Variants in TLE4 observed in about 807,000 individuals in gnomAD.
TLE4 encodes the protein TLE family member 4, transcriptional corepressor.
TLE4 carries 8 observed loss-of-function variants against 92.8 expected under a neutral mutation model. The ratio of observed to expected loss-of-function variants is 0.09; its 90% CI spans 0.05 to 0.16. TLE4 has a LOEUF of 0.16. Ranked by LOEUF, TLE4 falls within the 10% of genes least tolerant of loss-of-function variation. The pLI, the probability that TLE4 is intolerant of heterozygous loss-of-function variation, is 1.00. For missense variants in TLE4, 675 were observed against 997.6 expected (o/e 0.68, Z 4.36); for synonymous variants, 371 against 374.1 (o/e 0.99, Z 0.10).
chr9:79,589,180 CT>C (rs1212279287), intron 4 of TLE4, among the ~76,000 whole-genome samples: 1 of 152,164 alleles, frequency 6.6e-6, no homozygotes, highest in Non-Finnish European at 1.5e-5. Flanking sequence ...ATTCTGTTGC[CT>C]TTTTATGGCC....
chr9:79,608,385 A>T (rs1335794582), intron 4 of TLE4, among the ~76,000 whole-genome samples: 1 of 152,082 alleles, frequency 6.6e-6, no homozygotes, highest in Non-Finnish European at 1.5e-5. Flanking sequence ...ATTTTAAAGA[A>T]TTGCAGTCTT....
intron 8 of TLE4, among the ~76,000 whole-genome samples, chr9:79,669,892 TG>T (rs2061992302): frequency 6.6e-6 from 1 of 152,152 alleles, no homozygotes; most frequent in Non-Finnish European, 1.5e-5. Flanking sequence ...GTTACATGGC[TG>T]TGCTCCACTC....
At chr9:79,694,877 C>T (rs1026936760) in intron 8 of TLE4, among the ~76,000 whole-genome samples, 1 of 151,932 alleles carries the variant, frequency 6.6e-6, no homozygotes, top group Non-Finnish European at 1.5e-5. Context: ...GGTCACTATT[C>T]TCTAAATGAG....
intron 8 of TLE4, among the ~76,000 whole-genome samples, chr9:79,663,241 A>G (rs1205528134): frequency 1.3e-5 from 2 of 152,222 alleles, no homozygotes; most frequent in African/African-American, 2.4e-5. Flanking sequence ...GCTTGAAGAG[A>G]CAGCTTTTTA....
chr9:79,658,958 C>A (rs949343669), intron 8 of TLE4, among the ~76,000 whole-genome samples: 2 of 152,174 alleles, frequency 1.3e-5, no homozygotes, highest in African/African-American at 2.4e-5. Flanking sequence ...AGGGCTGTAA[C>A]ACTTCAGCAT....
At chr9:79,620,229 C>T (rs1466152710) in intron 5 of TLE4, among the ~76,000 whole-genome samples, 2 of 152,182 alleles carry the variant, frequency 1.3e-5, no homozygotes, top group Non-Finnish European at 2.9e-5. Context: ...AGTAGAGCTG[C>T]ATTGTCCAAT....
intron 4 of TLE4, among the ~76,000 whole-genome samples, chr9:79,590,360 A>G (rs867646868): frequency 6.6e-6 from 1 of 152,208 alleles, no homozygotes; most frequent in Non-Finnish European, 1.5e-5. Context: ...GGTTCTGGGC[A>G]TGGGGAGGTA....
At chr9:79,651,123 T>C (rs2058906532) in intron 6 of TLE4, among the ~76,000 whole-genome samples, 2 of 151,996 alleles carry the variant, frequency 1.3e-5, no homozygotes, top group Non-Finnish European at 2.9e-5. Context: ...AAGAAAATTA[T>C]AGAAGGGACT....
chr9:79,616,966 A>G (rs753914155), intron 5 of TLE4, among the ~76,000 whole-genome samples: 2 of 152,194 alleles, frequency 1.3e-5, no homozygotes, highest in Non-Finnish European at 2.9e-5. Flanking sequence ...TACAATGTGT[A>G]TTATATGTAT....
At chr9:79,693,659 T>C (rs778228391) in intron 8 of TLE4, 1 of 517,990 alleles carries the variant, frequency 1.9e-6, no homozygotes, top group Non-Finnish European at 3.9e-6. Context: ...ACCACAAAAG[T>C]TGTACCTCTG....
intron 8 of TLE4, among the ~76,000 whole-genome samples, chr9:79,689,907 G>A (rs1392884559): frequency 1.3e-5 from 2 of 152,176 alleles, no homozygotes; most frequent in African/African-American, 4.8e-5. Flanking sequence ...ACTTACTTAA[G>A]CCTACCCTCT....
intron 6 of TLE4, among the ~76,000 whole-genome samples, chr9:79,645,407 A>G (rs934261403): frequency 2.0e-5 from 3 of 152,170 alleles, no homozygotes; most frequent in Non-Finnish European, 2.9e-5. Context: ...AATGCCCAAA[A>G]TTCCTAGGGA....
chr9:79,612,229 T>C (rs754785168), intron 4 of TLE4, among the ~76,000 whole-genome samples: 4 of 152,102 alleles, frequency 2.6e-5, no homozygotes, highest in Non-Finnish European at 5.9e-5. Context: ...GCCACAAATA[T>C]AGAAATCCAA....
intron 4 of TLE4, among the ~76,000 whole-genome samples, chr9:79,592,256 CTTCT>C (rs1251087161): frequency 3.0e-5 from 4 of 132,904 alleles, no homozygotes; most frequent in African/African-American, 5.6e-5. Flanking sequence ...CTTCTTCTTT[CTTCT>C]TTCTTCTTCT....
intron 4 of TLE4, among the ~76,000 whole-genome samples, chr9:79,600,401 C>T (rs1046310648): frequency 7.9e-5 from 12 of 151,872 alleles, no homozygotes; most frequent in Non-Finnish European, 8.8e-5. Flanking sequence ...GGGTGGCTTC[C>T]CCCAGCCATT....
intron 5 of TLE4, among the ~76,000 whole-genome samples, chr9:79,626,038 G>A (rs2052531410): frequency 6.6e-6 from 1 of 151,992 alleles, no homozygotes; most frequent in African/African-American, 2.4e-5. Flanking sequence ...TCTATTATTT[G>A]ACATTTTTCT....
chr9:79,669,055 A>G (rs2134756013), intron 8 of TLE4, among the ~76,000 whole-genome samples: 1 of 152,246 alleles, frequency 6.6e-6, no homozygotes, highest in East Asian at 1.9e-4. Flanking sequence ...TCATTTGTGC[A>G]TGTATTTTCC....
In TLE4 at chr9:79,631,003, C is replaced by T. The variant is rs567921911; in HGVS notation, c.390+3555C>T. On this transcript the variant is annotated intron_variant, in intron 6 of 19. Coordinates refer to ENST00000376552, the MANE Select transcript of TLE4 (RefSeq NM_007005.6). The stretch of plus-strand genomic sequence containing the variant: ...GAAAAAAAAATGATAGAAATGTATG[C>T]GTTTGGAAAAAAGCTCACCCCCATC... Among the ~76,000 whole-genome samples the T allele has an allele frequency of 2.0e-5, 3 of 152,226 alleles. No homozygotes were observed. In the South Asian group the frequency reaches 6.2e-4, roughly 32 times the overall value.
At chr9:79,680,016 G>C (rs1476993091) in intron 8 of TLE4, among the ~76,000 whole-genome samples, 4 of 151,942 alleles carry the variant, frequency 2.6e-5, no homozygotes, top group Non-Finnish European at 5.9e-5. Context: ...TTTGGTTACT[G>C]TAGCCTTGTA....
Sources: gnomAD v4.1 joint callset for allele counts (sites outside exome capture counted in the v4.1 genomes callset) on GRCh38, gnomAD v4.1.1 for gene constraint, MANE v1.5 for transcripts, NCBI Gene and HGNC (gene_info 2026-07-23, HGNC 2026-07-21) for gene names.